Variants in FBN1 observed in about 807,000 individuals in gnomAD.
The protein encoded by FBN1 is fibrillin-1.
FBN1 carries 29 observed loss-of-function variants against 365.1 expected under a neutral mutation model. The ratio of observed to expected loss-of-function variants is 0.08; its 90% CI spans 0.06 to 0.11. The LOEUF (loss-of-function observed/expected upper bound fraction) is 0.11. Ranked by LOEUF, FBN1 falls within the 10% of genes least tolerant of loss-of-function variation. The pLI is 1.00. For synonymous variants in FBN1, 1,210 were observed against 1,270.5 expected (o/e 0.95, Z 1.01); for missense variants, 2,476 against 3,703.2 (o/e 0.67, Z 8.60).
intron 17 of FBN1, among the ~76,000 whole-genome samples, chr15:48,499,792 T>C (rs2043639677): frequency 6.6e-6 from 1 of 152,178 alleles, no homozygotes; most frequent in Non-Finnish European, 1.5e-5. Flanking sequence ...GGAATCACAC[T>C]ATCCAAGGAA....
intron 6 of FBN1, among the ~76,000 whole-genome samples, chr15:48,555,608 G>A (rs1431473945): frequency 6.6e-6 from 1 of 152,098 alleles, no homozygotes; most frequent in East Asian, 1.9e-4. Flanking sequence ...AAGCATATAG[G>A]TTATAACCTA....
chr15:48,494,602 GA>G (rs1170490622), intron 22 of FBN1, among the ~76,000 whole-genome samples: 1 of 152,126 alleles, frequency 6.6e-6, no homozygotes, highest in Non-Finnish European at 1.5e-5. Context: ...ACTTTAACCT[GA>G]ATATAGAAAA....
At chr15:48,447,479 T>C (rs1597534294) in intron 46 of FBN1, among the ~76,000 whole-genome samples, 1 of 152,228 alleles carries the variant, frequency 6.6e-6, no homozygotes, top group Admixed American at 6.5e-5. Context: ...TACTTTTCTC[T>C]GATGATTTTG....
chr15:48,590,800 G>A (rs1194769056), intron 6 of FBN1, among the ~76,000 whole-genome samples: 3 of 152,054 alleles, frequency 2.0e-5, no homozygotes, highest in Admixed American at 2.0e-4. Flanking sequence ...CTCCACTTTG[G>A]CCCCAATTGT....
chr15:48,612,976 G>T, intron 3 of FBN1, 34 bp downstream of exon 3: 4 of 1,486,266 alleles, frequency 2.7e-6, no homozygotes, highest in Non-Finnish European at 3.8e-6. Flanking sequence ...ACAAAAGAAG[G>T]ACATGCAGAA....
At chr15:48,620,511 T>C (rs566331000) in intron 2 of FBN1, among the ~76,000 whole-genome samples, 2 of 152,326 alleles carry the variant, frequency 1.3e-5, no homozygotes, top group South Asian at 2.1e-4. Context: ...GTTAATAAAC[T>C]GGGGAGCCAA....
chr15:48,504,271 GT>G (rs985004485), intron 16 of FBN1, among the ~76,000 whole-genome samples: 11 of 152,294 alleles, frequency 7.2e-5, no homozygotes, highest in African/African-American at 2.4e-4. Flanking sequence ...CTTAATAAAT[GT>G]TGAATTAATG....
chr15:48,578,176 T>C (rs2044364073), intron 6 of FBN1, among the ~76,000 whole-genome samples: 1 of 152,204 alleles, frequency 6.6e-6, no homozygotes, highest in African/African-American at 2.4e-5. Context: ...GGTTGGCAAG[T>C]AGTTCAAATT....
At chr15:48,482,338 C>T (rs1453124492) in intron 31 of FBN1, among the ~76,000 whole-genome samples, 1 of 152,078 alleles carries the variant, frequency 6.6e-6, no homozygotes, top group East Asian at 1.9e-4. Flanking sequence ...CAGACTCTTG[C>T]TTCTGGCCAA....
chr15:48,579,249 T>C (rs1289796074), intron 6 of FBN1, among the ~76,000 whole-genome samples: 1 of 152,090 alleles, frequency 6.6e-6, no homozygotes, highest in African/African-American at 2.4e-5. Context: ...AAGTTTTTCC[T>C]TGCATGCTTA....
chr15:48,412,022 G>T (rs2042867618), intron 65 of FBN1, among the ~76,000 whole-genome samples: 1 of 152,212 alleles, frequency 6.6e-6, no homozygotes, highest in Non-Finnish European at 1.5e-5. Context: ...GACCACATGT[G>T]CTGGATTCTA....
intron 18 of FBN1, 74 bp from the exon 19 acceptor site, chr15:48,497,465 C>G: frequency 7.0e-7 from 1 of 1,419,926 alleles, no homozygotes; most frequent in Non-Finnish European, 9.9e-7. Flanking sequence ...AAATATAACA[C>G]TACAATAAAT....
chr15:48,592,714 T>A (rs139027032), intron 6 of FBN1, among the ~76,000 whole-genome samples: 1 of 152,152 alleles, frequency 6.6e-6, no homozygotes, highest in African/African-American at 2.4e-5. Context: ...AAAGACACAA[T>A]CTTTGACAGA....
intron 2 of FBN1, among the ~76,000 whole-genome samples, chr15:48,626,368 A>G (rs189790749): frequency 1.3e-5 from 2 of 152,304 alleles, no homozygotes; most frequent in Admixed American, 1.3e-4. Flanking sequence ...CATAACAACA[A>G]TTACCCATAA....
At chr15:48,486,474 C>A (rs375030840) in intron 29 of FBN1, among the ~76,000 whole-genome samples, 1 of 152,230 alleles carries the variant, frequency 6.6e-6, no homozygotes, top group African/African-American at 2.4e-5. Context: ...CACAGCACGA[C>A]TAAACCTACA....
In FBN1 at chr15:48,630,825, T is replaced by G. The variant is rs370036220; in HGVS notation, c.164+13781A>C. Among the ~76,000 whole-genome samples the G allele has an allele frequency of 3.5e-4, 53 of 152,286 alleles. 3 individuals are homozygous for G. In the South Asian group the frequency reaches 0.011, roughly 30 times the overall value. ...TTCTTACTTTTTTACAAACTTTCTG[T>G]TGGTGATGGTGTGATTTACCCCACG... is the stretch of plus-strand genomic sequence containing the variant. On this transcript the variant is annotated intron_variant, in intron 2 of 65. Transcript: ENST00000316623.
At chr15:48,520,940 G>GC (rs1384227061) in intron 9 of FBN1, 123 bp from the exon 10 acceptor site, 7 of 1,326,152 alleles carry the variant, frequency 5.3e-6, no homozygotes, top group African/African-American at 4.3e-5. Flanking sequence ...TCACACCTCT[G>GC]CCCCCCGGAA....
chr15:48,504,976 T>G, intron 16 of FBN1, 49 bp downstream of exon 16: 1 of 1,613,522 alleles, frequency 6.2e-7, no homozygotes, highest in Non-Finnish European at 8.5e-7. Context: ...CTTTATTGAG[T>G]GACAGAGGCT....
At chr15:48,642,088 T>C (rs1039903988) in intron 2 of FBN1, 1 of 152,208 alleles carries the variant, frequency 6.6e-6, no homozygotes, top group African/African-American at 2.4e-5. Context: ...TGAGGTTCTA[T>C]ACAACAAGAA....
Sources: gnomAD v4.1 joint callset for allele counts (sites outside exome capture counted in the v4.1 genomes callset) on GRCh38, gnomAD v4.1.1 for gene constraint, MANE v1.5 for transcripts, NCBI Gene and HGNC (gene_info 2026-07-23, HGNC 2026-07-21) for gene names.